The following MINDY1 variants were observed in gnomAD, a reference collection of about 807,000 sequenced individuals.
The protein encoded by MINDY1 is MINDY lysine 48 deubiquitinase 1, also known as ubiquitin carboxyl-terminal hydrolase MINDY-1.
In MINDY1, 50 loss-of-function variants were observed where a neutral mutation model predicts 53.6. That is an observed-to-expected ratio of 0.93 (90% CI 0.74 to 1.18). The LOEUF (loss-of-function observed/expected upper bound fraction) is 1.18. MINDY1 is among the 50% of genes most tolerant of loss of function. The pLI is 0.00. For missense variants in MINDY1, 484 were observed against 578.6 expected (o/e 0.84, Z 1.68); for synonymous variants, 231 against 234.7 (o/e 0.98, Z 0.14).
In MINDY1 at chr1:151,002,060, C is replaced by G. The variant is rs1672644164; in HGVS notation, c.453+105G>C. 8.6e-7 allele frequency: 1 copy of G among 1,167,110 alleles called. No individual in the cohort carries two copies. The highest frequency in any genetic ancestry group is 1.6e-5 in the African/African-American group (1 of 64,382). The allele number at this position is 1,167,110 out of a possible 1,614,324, so 72.3% of individuals were successfully genotyped here. ...AAGCTGGAGAAATAGGGAGAACAAT[C>G]TGAAAAGTTTTGACTAGTTTGAGGA... On this transcript the variant is annotated intron_variant, in intron 2 of 9. Coordinates refer to ENST00000683666, the MANE Select transcript of MINDY1 (RefSeq NM_001376665.1). This position sits in a 1 kb window ranked among gnomAD's most constrained non-coding sequence, Gnocchi z 4.1.
In MINDY1 at chr1:151,002,950, A is replaced by G; in HGVS notation, c.-89-244T>C. The G allele has an allele frequency of 1.5e-6, 2 of 1,307,832 alleles. No homozygotes were observed. Among genetic ancestry groups the G allele is most frequent in the Non-Finnish European group, 1.9e-6 (2 of 1,025,790 alleles). The allele number at this position is 1,307,832 out of a possible 1,614,324, so 81.0% of individuals were successfully genotyped here. On this transcript the variant is annotated intron_variant, in intron 1 of 9. Coordinates refer to ENST00000683666, the MANE Select transcript of MINDY1 (RefSeq NM_001376665.1). The surrounding 1 kb of genome is among the most constrained non-coding windows in gnomAD (Gnocchi z 4.1). ...AGGGAAGACTGGTGGGATTGAACAC[A>G]TGGGTGGAGTCAGCTTCCCTGAAAC... is the stretch of plus-strand genomic sequence containing the variant.
At chr1:151,008,245 T>C, upstream of MINDY1, 1 of 1,174,714 alleles carries the variant, frequency 8.5e-7, no homozygotes, top group Non-Finnish European at 1.1e-6. Context: ...CTGTGACACA[T>C]ACACATTTGT....
At chr1:151,007,497 C>T (rs1026115530), upstream of MINDY1, among the ~76,000 whole-genome samples, 1 of 152,004 alleles carries the variant, frequency 6.6e-6, no homozygotes, top group Admixed American at 6.6e-5. Flanking sequence ...AGCAAGACTC[C>T]GTCTCAAAAA....
Position 151,002,578 on chromosome 1 carries a change from C to G in MINDY1, c.40G>C (p.Ala14Pro), listed in dbSNP as rs1029819173. ...HQPEDPAPGKAGTAEAVIPEN... is the reference protein window; with the variant it reads ...HQPEDPAPGKPGTAEAVIPEN... ...GGGATGACTGCTTCTGCAGTCCCGG[C>G]CTTACCAGGGGCTGGATCCTCAGGC... The change falls in exon 2 of 10, where the codon GCC becomes CCC. Residue 14 changes from alanine to proline, a missense_variant. Coordinates refer to ENST00000683666, the MANE Select transcript of MINDY1 (RefSeq NM_001376665.1). The surrounding 1 kb of genome is among the most constrained non-coding windows in gnomAD (Gnocchi z 4.1). 3.1e-6 allele frequency: 5 copies of G among 1,614,064 alleles called. No individual in the cohort carries two copies. The African/African-American group carries it at 6.7e-5, about 22-fold the overall frequency.
At position 151,002,216 on chromosome 1, in the gene MINDY1, G is replaced by A. The variant is rs780014887; in HGVS notation, c.402C>T (p.Asn134=). Residue 134 remains asparagine, a synonymous_variant, in exon 2 of 10, where the codon AAC becomes AAT. Coordinates refer to ENST00000683666, the MANE Select transcript of MINDY1 (RefSeq NM_001376665.1). The surrounding 1 kb of genome is among the most constrained non-coding windows in gnomAD (Gnocchi z 4.1). ...TGATGGCAAGGAGAGGGCAAGGGCC[G>A]TTAGTGCTCTGGGTGATGATGGGTG... The part of the protein sequence containing the change: ...EQTPIITQST[N]GPCPLLAIMN... The A allele has an allele frequency of 1.9e-5, 30 of 1,613,934 alleles. No homozygotes were observed. Among genetic ancestry groups the A allele is most frequent in the African/African-American group, 2.7e-5 (2 of 74,908 alleles).
intron 1 of MINDY1, among the ~76,000 whole-genome samples, chr1:151,003,229 A>T (rs1283088064): frequency 6.6e-6 from 1 of 152,146 alleles, no homozygotes; most frequent in Non-Finnish European, 1.5e-5. Context: ...GTTTAGGGAT[A>T]CCTTCTCTCT....
chr1:151,001,317 A>G lies in MINDY1; in HGVS notation c.512-3T>C, dbSNP rs1353720725. On this transcript the variant is annotated splice_region_variant and splice_polypyrimidine_tract_variant and intron_variant, in intron 3 of 9. Transcript: ENST00000683666. ...CTTGATGGACAGGAGGCAGTTTCCT[A>G]CAAGACAGGGCCCCTTATCAGCTTA... The G allele has an allele frequency of 1.2e-6, 2 of 1,614,020 alleles. No homozygotes were observed. The highest frequency in any genetic ancestry group is 1.7e-6 in the Non-Finnish European group (2 of 1,180,020).
In MINDY1 at chr1:150,999,627, G is replaced by C. The variant is rs1156415821; in HGVS notation, c.839-116C>G. 2.2e-6 allele frequency: 3 copies of C among 1,366,904 alleles called. No homozygotes were observed. The South Asian group carries it at 4.0e-5, about 18-fold the overall frequency. 84.7% of individuals were successfully genotyped at this position (1,366,904 alleles called of 1,614,324 possible). On this transcript the variant is annotated intron_variant, in intron 6 of 9. Transcript: ENST00000683666. The surrounding 1 kb of genome is among the most constrained non-coding windows in gnomAD (Gnocchi z 4.4). Reference sequence around the variant, plus strand: ...CGGGGGGTCAGTCCCACCTTCTGACGTCCCTTTCTTGAAACCTGGCTGTAT... The same window carrying C: ...CGGGGGGTCAGTCCCACCTTCTGACCTCCCTTTCTTGAAACCTGGCTGTAT...
chr1:150,997,110 G>T lies in MINDY1; in HGVS notation c.*177C>A. 1.5e-6 allele frequency: 1 copy of T among 658,784 alleles called. No individual in the cohort carries two copies. 40.8% of individuals were successfully genotyped at this position (658,784 alleles called of 1,614,324 possible). A position where few individuals can be genotyped will look rare whatever the true frequency, so the allele number is the denominator to read the frequency against. On this transcript the variant is annotated 3_prime_UTR_variant, in exon 10 of 10. Coordinates refer to ENST00000683666, the MANE Select transcript of MINDY1 (RefSeq NM_001376665.1). Reference sequence around the variant, plus strand: ...CCCTGGATGGGAGGCAGAGAAGGCAGCAGCACGTGAGGTCAAGGACATTAC... The same window carrying T: ...CCCTGGATGGGAGGCAGAGAAGGCATCAGCACGTGAGGTCAAGGACATTAC...
chr1:151,001,597 C>T, intron 3 of MINDY1, 128 bp downstream of exon 3: 1 of 1,194,918 alleles, frequency 8.4e-7, no homozygotes, highest in South Asian at 1.4e-5. Context: ...AGAGAAGCCC[C>T]ATAGACCCTT....
At chr1:150,996,678 G>A (rs1168858274), downstream of MINDY1, 1 of 151,560 alleles carries the variant, frequency 6.6e-6, no homozygotes, top group East Asian at 2.0e-4. Flanking sequence ...GAGTAGCTGG[G>A]ATTACAGGCG....
rs117000643 is a variant in MINDY1, at chr1:150,998,047, G to A, written c.1173+35C>T. The A allele has an allele frequency of 1.9e-6, 3 of 1,576,006 alleles. No homozygotes were observed. In the East Asian group the frequency reaches 6.7e-5, roughly 35 times the overall value. On this transcript the variant is annotated intron_variant, in intron 8 of 9. Transcript: ENST00000683666. Reference sequence around the variant, plus strand: ...CAGTAAAAAGCTCTCTGAGGCACATGTGCTCTCTGCACTTTTCCTAAGTGC... The same window carrying A: ...CAGTAAAAAGCTCTCTGAGGCACATATGCTCTCTGCACTTTTCCTAAGTGC...
rs779881567 is a variant in MINDY1, at chr1:151,002,849, C to T, written c.-89-143G>A. On this transcript the variant is annotated intron_variant, in intron 1 of 9. Transcript: ENST00000683666. The surrounding 1 kb of genome is among the most constrained non-coding windows in gnomAD (Gnocchi z 4.1). ...CAGTATATGTGTAAACAGAAGGGCC[C>T]CGTGCTGAGCTCTTTCCACCTCTAA... 7.0e-7 allele frequency: 1 copy of T among 1,430,812 alleles called. No homozygotes were observed. The highest frequency in any genetic ancestry group is 1.4e-5 in the African/African-American group (1 of 69,544). The allele number at this position is 1,430,812 out of a possible 1,614,324, so 88.6% of individuals were successfully genotyped here. A position where few individuals can be genotyped will look rare whatever the true frequency, so the allele number is the denominator to read the frequency against.
At chr1:151,003,972 G>T (rs1005080133) in intron 1 of MINDY1, among the ~76,000 whole-genome samples, 1 of 151,884 alleles carries the variant, frequency 6.6e-6, no homozygotes, top group Non-Finnish European at 1.5e-5. Context: ...GCCTAGGTTG[G>T]AGTGCAATGG....
chr1:151,005,812 C>T (rs936039994), intron 1 of MINDY1, among the ~76,000 whole-genome samples: 3 of 152,142 alleles, frequency 2.0e-5, no homozygotes, highest in Admixed American at 6.5e-5. Context: ...TTTCTTAGCT[C>T]GTCAAATCCT....
At chr1:151,000,425 G>T in intron 5 of MINDY1, 32 bp downstream of exon 5, 1 of 1,560,460 alleles carries the variant, frequency 6.4e-7, no homozygotes, top group Non-Finnish European at 8.7e-7. Context: ...GCTTGAGCTG[G>T]ATAAGGTCCC....
chr1:150,998,170 G>A lies in MINDY1; in HGVS notation c.1085C>T (p.Ser362Phe). Residue 362 changes from serine to phenylalanine, a missense_variant, in exon 8 of 10, where the codon TCT (serine) becomes TTT (phenylalanine). Physicochemically the swap from Ser to Phe is radical, Grantham distance 155 (BLOSUM62 -2). Transcript: ENST00000683666. ...NVDGDSCFCD[S>F]DFHLSHSLGK... ...CAGGGAATGACTCAGGTGAAAGTCA[G>A]AGTCACAAAAGCAGCTGTCTCCATC... 1 of 1,614,148 alleles carries A rather than the reference G, an allele frequency of 6.2e-7. No homozygotes were observed. The highest frequency in any genetic ancestry group is 8.5e-7 in the Non-Finnish European group (1 of 1,180,048).
intron 1 of MINDY1, chr1:151,006,053 T>C (rs1673161659): frequency 1.3e-6 from 2 of 1,548,946 alleles, no homozygotes; most frequent in African/African-American, 1.4e-5. Context: ...TAGATTTTCA[T>C]CTCAGAATAT....
At chr1:150,997,802 A>C in intron 8 of MINDY1, 23 bp from the exon 9 acceptor site, 1 of 1,600,832 alleles carries the variant, frequency 6.2e-7, no homozygotes, top group Non-Finnish European at 8.5e-7. Flanking sequence ...AGAGTTGTGC[A>C]GTGGGCTGAG....
Sources: allele counts gnomAD v4.1 joint callset (sites outside exome capture counted in the v4.1 genomes callset), GRCh38; gene constraint gnomAD v4.1.1; non-coding constraint Gnocchi (gnomAD v3.1); transcripts MANE v1.5; gene names NCBI Gene and HGNC (gene_info 2026-07-23, HGNC 2026-07-21).